The following COQ6 variants were observed in gnomAD, a reference collection of about 807,000 sequenced individuals.
COQ6 encodes ubiquinone biosynthesis monooxygenase COQ6, mitochondrial.
Under a neutral mutation model 55.5 loss-of-function variants are expected in COQ6, and 45 were observed. The ratio of observed to expected loss-of-function variants is 0.81; its 90% CI spans 0.64 to 1.04. COQ6 has a LOEUF of 1.04. Among genes scored for constraint, COQ6 ranks in the 50% least tolerant of loss-of-function variants. The pLI, the probability that COQ6 is intolerant of heterozygous loss-of-function variation, is 0.00. For synonymous variants in COQ6, 206 were observed against 230.5 expected, an observed-to-expected ratio of 0.89 and a Z score of 0.96; for missense variants, 550 against 601.3, an observed-to-expected ratio of 0.91 and a Z score of 0.89.
Position 73,958,224 on chromosome 14 carries a change from C to G in COQ6, c.559C>G (p.Pro187Ala). 6.2e-7 allele frequency: 1 copy of G among 1,614,094 alleles called. No homozygotes were observed. Among genetic ancestry groups the G allele is most frequent in the Non-Finnish European group, 8.5e-7 (1 of 1,179,998 alleles). ...TCCATTTCCTATGGCCGACTCCAGC[C>G]CTTGGGTTCATATTACCCTAGGTGA... ...PCPFPMADSS[P>A]WVHITLGDGS... Residue 187 changes from proline to alanine, a missense_variant, in exon 5 of 12, where the codon CCT becomes GCT. Coordinates refer to ENST00000334571, the MANE Select transcript of COQ6 (RefSeq NM_182476.3).
At chr14:73,951,047 A>T (rs577613241) in intron 1 of COQ6, among the ~76,000 whole-genome samples, 1 of 152,214 alleles carries the variant, frequency 6.6e-6, no homozygotes, top group South Asian at 2.1e-4. Context: ...CCCAGGCTGC[A>T]GTGCAGTGGC....
chr14:73,958,040 C>G, intron 4 of COQ6, 107 bp from the exon 5 acceptor site: 1 of 877,282 alleles, frequency 1.1e-6, no homozygotes, highest in Non-Finnish European at 2.0e-6. Context: ...TCTTAAATGA[C>G]AAGACACTGC....
At position 73,959,416 on chromosome 14, in the gene COQ6, T is replaced by C. The variant is rs143166397; in HGVS notation, c.785T>C (p.Leu262Pro). Residue 262 changes from leucine (L) to proline (P), a missense_variant and splice_region_variant, in exon 8 of 12, where the codon CTC (leucine) becomes CCC (proline). Transcript: ENST00000334571. ...LPSGPIALLP[L>P]SDTLSSLVWS... ...GGTATTGGTGTTCTTTTGACACAGCTCTCAGACACCTTGAGTTCCTTGGTT... is the reference window on the plus strand; with the variant it reads ...GGTATTGGTGTTCTTTTGACACAGCCCTCAGACACCTTGAGTTCCTTGGTT... 6.2e-7 allele frequency: 1 copy of C among 1,614,090 alleles called. No individual in the cohort carries two copies. The highest frequency in any genetic ancestry group is 8.5e-7 in the Non-Finnish European group (1 of 1,180,054).
At position 73,955,882 on chromosome 14, in the gene COQ6, T is replaced by C. The variant is rs1306809044; in HGVS notation, c.435T>C (p.Asn145=). Residue 145 remains asparagine (N), a synonymous_variant, in exon 4 of 12, where the codon AAT becomes AAC. Transcript: ENST00000334571. ...NLDDMGYIVE[N]DVIMHALTKQ... is the part of the protein sequence containing the mutation. Reference sequence around the variant, plus strand: ...ATGACATGGGCTATATCGTGGAGAATGATGTCATCATGCATGCTCTCACTA... The same window carrying C: ...ATGACATGGGCTATATCGTGGAGAACGATGTCATCATGCATGCTCTCACTA... 4.3e-6 allele frequency: 7 copies of C among 1,614,160 alleles called. No individual in the cohort carries two copies. The highest frequency in any genetic ancestry group is 5.9e-6 in the Non-Finnish European group (7 of 1,180,012).
chr14:73,950,277 C>T (rs2056133773), upstream of COQ6: 3 of 1,539,776 alleles, frequency 1.9e-6, no homozygotes, highest in Non-Finnish European at 2.6e-6. Context: ...CTGCTCCGGA[C>T]GCACTACGTA....
chr14:73,950,431 C>T lies in COQ6; in HGVS notation c.99C>T (p.Asp33=). ...GCAGGTGGTCCGGCGCCTCAACAGACACCGTGTATGACGTGGTGGTGTCGG... is the reference window on the plus strand; with the variant it reads ...GCAGGTGGTCCGGCGCCTCAACAGATACCGTGTATGACGTGGTGGTGTCGG... ...SWRRWSGAST[D]TVYDVVVSGG... Residue 33 remains aspartate (D), a synonymous_variant, in exon 1 of 12, where the codon GAC becomes GAT. Transcript: ENST00000334571. The T allele has an allele frequency of 1.2e-6, 2 of 1,607,496 alleles. No individual in the cohort carries two copies. Among genetic ancestry groups the T allele is most frequent in the Non-Finnish European group, 1.7e-6 (2 of 1,177,220 alleles).
chr14:73,961,663 A>G, intron 10 of COQ6, 74 bp from the exon 11 acceptor site: 3 of 1,605,914 alleles, frequency 1.9e-6, no homozygotes, highest in South Asian at 1.1e-5. Flanking sequence ...GACATAAAAT[A>G]TATCTGGCTT....
At chr14:73,954,792 C>T (rs1187643449) in intron 2 of COQ6, among the ~76,000 whole-genome samples, 5 of 135,102 alleles carry the variant, frequency 3.7e-5, no homozygotes, top group African/African-American at 5.5e-5. Context: ...TGCAGTGAGC[C>T]GAGATCCCGC....
chr14:73,950,622 C>G, intron 1 of COQ6, 127 bp downstream of exon 1: 3 of 1,384,630 alleles, frequency 2.2e-6, no homozygotes, highest in Admixed American at 2.5e-5. Flanking sequence ...CTCCCCTCCC[C>G]TCCTAGAGGA....
Position 73,963,100 on chromosome 14 carries a change from C to CT in COQ6, c.*104dup. The CT allele has an allele frequency of 1.0e-6, 1 of 1,004,044 alleles. No homozygotes were observed. Among genetic ancestry groups the CT allele is most frequent in the East Asian group, 2.5e-5 (1 of 40,050 alleles). 62.2% of individuals were successfully genotyped at this position (1,004,044 alleles called of 1,614,324 possible). ...GATCTTATTTAATTTAATAAACTTA[C>CT]TTTACATTAAAATTCTCTTTTTCTT... On this transcript the variant is annotated 3_prime_UTR_variant, in exon 12 of 12. Transcript: ENST00000334571.
In COQ6 at chr14:73,955,903, C is replaced by T. The variant is rs777243630; in HGVS notation, c.456C>T (p.Leu152=). The T allele has an allele frequency of 3.7e-6, 6 of 1,614,138 alleles. No homozygotes were observed. Among genetic ancestry groups the T allele is most frequent in the Non-Finnish European group, 5.1e-6 (6 of 1,180,030 alleles). Reference sequence around the variant, plus strand: ...AGAATGATGTCATCATGCATGCTCTCACTAAGCAGTTGGAGGCTGTGTCTG... The same window carrying T: ...AGAATGATGTCATCATGCATGCTCTTACTAAGCAGTTGGAGGCTGTGTCTG... ...IVENDVIMHA[L]TKQLEAVSDR... is the part of the protein sequence containing the mutation. The change falls in exon 4 of 12, where the codon CTC becomes CTT. Residue 152 remains leucine, a synonymous_variant. Coordinates refer to ENST00000334571, the MANE Select transcript of COQ6 (RefSeq NM_182476.3).
In COQ6 at chr14:73,950,303, G is replaced by A. The variant is rs2056134498; in HGVS notation, c.-30G>A. 6.5e-7 allele frequency: 1 copy of A among 1,543,596 alleles called. No homozygotes were observed. The highest frequency in any genetic ancestry group is 1.2e-5 in the South Asian group (1 of 84,450). ...GCACTACGTAGGTGGGCCTGCGGGA[G>A]TTCTGAGTGCGACGGCGCAGGTCTG... On this transcript the variant is annotated 5_prime_UTR_variant, in exon 1 of 12. Transcript: ENST00000334571.
intron 1 of COQ6, among the ~76,000 whole-genome samples, chr14:73,953,058 C>G (rs994107380): frequency 1.3e-5 from 2 of 152,154 alleles, no homozygotes; most frequent in Non-Finnish European, 2.9e-5. Context: ...TTCTTTTGAA[C>G]AGGAGTTGTA....
rs1307507376 is a variant in COQ6 at position 73,952,261 on chromosome 14, C to T, written c.164-1174C>T. On this transcript the variant is annotated intron_variant, in intron 1 of 11. Transcript: ENST00000334571. ...CCTCAGCCTTCTGAGGAGCTGGGAC[C>T]ACAGGCGCCCGCCATCACACCTGGC... is the stretch of plus-strand genomic sequence containing the variant. 2.7e-5 allele frequency among the ~76,000 whole-genome samples: 4 copies of T among 150,682 alleles called. No homozygotes were observed. The East Asian group carries it at 8.1e-4, about 31-fold the overall frequency.
chr14:73,958,059 G>T, intron 4 of COQ6, 88 bp from the exon 5 acceptor site: 1 of 1,019,758 alleles, frequency 9.8e-7, no homozygotes, highest in East Asian at 2.4e-5. Context: ...GCTGTCCTGG[G>T]ACCTTGCTTT....
In COQ6 at chr14:73,960,571, C is replaced by G. The variant is rs918269123; in HGVS notation, c.892-602C>G. 1.8e-5 allele frequency: 18 copies of G among 1,024,378 alleles called. No homozygotes were observed. The Admixed American group carries it at 2.5e-4, about 14-fold the overall frequency. 63.5% of individuals were successfully genotyped at this position (1,024,378 alleles called of 1,614,324 possible). A position where few individuals can be genotyped will look rare whatever the true frequency, so the allele number is the denominator to read the frequency against. ...TTTAGTATATATTCCTGGCACAGGT[C>G]TAGGTCCTCTGCAGTGCAGTCATTC... On this transcript the variant is annotated intron_variant, in intron 8 of 11. Transcript: ENST00000334571.
intron 4 of COQ6, 104 bp from the exon 5 acceptor site, chr14:73,958,043 G>A (rs2056525469): frequency 1.1e-6 from 1 of 886,520 alleles, no homozygotes; most frequent in Non-Finnish European, 1.9e-6. Context: ...TAAATGACAA[G>A]ACACTGCTGT....
chr14:73,961,318 T>A lies in COQ6; in HGVS notation c.1037T>A (p.Phe346Tyr). 1 of 1,614,210 alleles carries A rather than the reference T, an allele frequency of 6.2e-7. No individual in the cohort carries two copies. Among genetic ancestry groups the A allele is most frequent in the Non-Finnish European group, 8.5e-7 (1 of 1,180,028 alleles). Reference sequence around the variant, plus strand: ...GTGGATGCCAAAAGCCGAGTTCTGTTTCCTCTTGGGTTGGGACATGCTGCT... The same window carrying A: ...GTGGATGCCAAAAGCCGAGTTCTGTATCCTCTTGGGTTGGGACATGCTGCT... ...ARVDAKSRVL[F>Y]PLGLGHAAEY... The change falls in exon 9 of 12, where the codon TTT (phenylalanine) becomes TAT (tyrosine). Residue 346 changes from phenylalanine (F) to tyrosine (Y), a missense_variant. Transcript: ENST00000334571.
rs562591664 is a variant in COQ6 at position 73,952,593 on chromosome 14, G to A, written c.164-842G>A. Among the ~76,000 whole-genome samples the A allele has an allele frequency of 5.9e-5, 9 of 151,996 alleles. No homozygotes were observed. In the East Asian group the frequency reaches 1.7e-3, roughly 29 times the overall value. On this transcript the variant is annotated intron_variant, in intron 1 of 11. Coordinates refer to ENST00000334571, the MANE Select transcript of COQ6 (RefSeq NM_182476.3). Reference sequence around the variant, plus strand: ...TCGCCATGTTGCCCAGGCTGGTCTTGAATTCCTAGGCTTGAGCAATCCTCC... The same window carrying A: ...TCGCCATGTTGCCCAGGCTGGTCTTAAATTCCTAGGCTTGAGCAATCCTCC...
Sources: allele counts gnomAD v4.1 joint callset (sites outside exome capture counted in the v4.1 genomes callset), GRCh38; gene constraint gnomAD v4.1.1; transcripts MANE v1.5; gene names NCBI Gene and HGNC (gene_info 2026-07-23, HGNC 2026-07-21).